Variants in GPHN observed in about 807,000 individuals in gnomAD.
GPHN encodes gephyrin.
In GPHN, 17 loss-of-function variants were observed where a neutral mutation model predicts 95.5. The observed-to-expected ratio is 0.18, with a 90% CI of 0.12 to 0.27. GPHN has a LOEUF of 0.27. GPHN is among the 10% of genes least tolerant of loss of function. The probability of loss-of-function intolerance (pLI) is 1.00; values close to 1 mark genes in which losing one functional copy is unlikely to be tolerated. For synonymous variants in GPHN, 320 were observed against 322.5 expected (o/e 0.99, Z 0.08); for missense variants, 660 against 978.1 (o/e 0.67, Z 4.34).
chr14:67,011,627 A>C (rs983978208), intron 9 of GPHN, among the ~76,000 whole-genome samples: 2 of 151,104 alleles, frequency 1.3e-5, no homozygotes, highest in African/African-American at 4.9e-5. Context: ...TTCTTTCCAC[A>C]TATGGGGCAT....
chr14:67,523,841 T>C, the GPHN span, among the ~76,000 whole-genome samples: 2 of 152,018 alleles, frequency 1.3e-5, no homozygotes, highest in African/African-American at 4.8e-5. Context: ...TGGAGGAATT[T>C]TTTTTTTCTT....
chr14:66,849,948 C>T (rs2062507823), intron 4 of GPHN, among the ~76,000 whole-genome samples: 1 of 152,026 alleles, frequency 6.6e-6, no homozygotes, highest in East Asian at 1.9e-4. Context: ...ACAGATCAAG[C>T]CAAAAATTAT....
the GPHN span, among the ~76,000 whole-genome samples, chr14:67,560,767 G>A: frequency 1.8e-5 from 2 of 111,666 alleles, no homozygotes; most frequent in Non-Finnish European, 3.5e-5. Flanking sequence ...TCTCGCTCTT[G>A]TTTCCCAGGC....
At chr14:67,366,934 T>C in the GPHN span, among the ~76,000 whole-genome samples, 5 of 152,124 alleles carry the variant, frequency 3.3e-5, no homozygotes, top group Non-Finnish European at 7.4e-5. Context: ...AGAAAATTTA[T>C]GGTCTTATTG....
At chr14:67,464,108 A>G in the GPHN span, among the ~76,000 whole-genome samples, 1 of 149,446 alleles carries the variant, frequency 6.7e-6, no homozygotes, top group African/African-American at 2.4e-5. Flanking sequence ...GACAGAGAGA[A>G]AGAGAGCAGC....
chr14:66,553,280 C>A (rs1350098562), intron 1 of GPHN, among the ~76,000 whole-genome samples: 1 of 152,124 alleles, frequency 6.6e-6, no homozygotes, highest in African/African-American at 2.4e-5. Context: ...CATGAGCTAC[C>A]GCACCTGGCC....
the GPHN span, among the ~76,000 whole-genome samples, chr14:67,195,264 G>A: frequency 6.6e-6 from 1 of 152,218 alleles, no homozygotes; most frequent in Admixed American, 6.5e-5. Context: ...GCGAGACCCA[G>A]TCGTGGCTGC....
intron 1 of GPHN, among the ~76,000 whole-genome samples, chr14:66,582,376 CATTTTATTTT>C (rs141449015): frequency 2.0e-4 from 31 of 151,400 alleles, no homozygotes; most frequent in Admixed American, 1.5e-3. Context: ...GCAACAAAAG[CATTTTATTTT>C]ATTTTATTTT....
At chr14:67,523,853 A>G in the GPHN span, among the ~76,000 whole-genome samples, 9 of 152,146 alleles carry the variant, frequency 5.9e-5, no homozygotes, top group Non-Finnish European at 1.2e-4. Flanking sequence ...TTTTTTCTTC[A>G]TATCCATGGG....
chr14:67,691,291 T>G, the GPHN span: 1 of 1,363,352 alleles, frequency 7.3e-7, no homozygotes, highest in Non-Finnish European at 1.0e-6. Flanking sequence ...GCCAAGGCTA[T>G]TACATCTTAG....
intron 3 of GPHN, among the ~76,000 whole-genome samples, chr14:66,778,283 C>T (rs1418753769): frequency 6.6e-6 from 1 of 152,208 alleles, no homozygotes. Flanking sequence ...TGAAGGACCT[C>T]TTCAAGGAGA....
the GPHN span, among the ~76,000 whole-genome samples, chr14:67,416,109 C>G: frequency 2.6e-5 from 4 of 152,308 alleles, no homozygotes; most frequent in Middle Eastern, 3.4e-3. Flanking sequence ...CTGCACATCC[C>G]GCACATGTAC....
At chr14:67,588,618 A>G in the GPHN span, 1 of 152,200 alleles carries the variant, frequency 6.6e-6, no homozygotes, top group Non-Finnish European at 1.5e-5. Context: ...CTCCCCTAAC[A>G]AAAACAAAAC....
intron 10 of GPHN, among the ~76,000 whole-genome samples, chr14:67,024,952 C>T (rs938753078): frequency 6.6e-6 from 1 of 152,060 alleles, no homozygotes; most frequent in Non-Finnish European, 1.5e-5. Context: ...ACAATTATTG[C>T]TTGCCCAAGA....
chr14:67,601,715 A>G, the GPHN span, among the ~76,000 whole-genome samples: 6 of 151,970 alleles, frequency 3.9e-5, no homozygotes, highest in Non-Finnish European at 8.8e-5. Context: ...CAGCCTGGCC[A>G]ACATGGTGAA....
chr14:66,695,681 G>C (rs373196783), intron 2 of GPHN, among the ~76,000 whole-genome samples: 185 of 152,222 alleles, frequency 1.2e-3, no homozygotes, highest in African/African-American at 4.1e-3. Flanking sequence ...GTGCCAAAAA[G>C]AAATGAGCTA....
At chr14:66,861,740 A>G (rs2063032080) in intron 4 of GPHN, among the ~76,000 whole-genome samples, 1 of 152,148 alleles carries the variant, frequency 6.6e-6, no homozygotes, top group South Asian at 2.1e-4. Context: ...ATGCTCCTGA[A>G]TGATCAATGG....
chr14:66,629,141 T>A (rs1050583502), intron 1 of GPHN, among the ~76,000 whole-genome samples: 8 of 125,494 alleles, frequency 6.4e-5, no homozygotes, highest in East Asian at 4.2e-4. Flanking sequence ...AAATATATAT[T>A]TATATACATA....
intron 8 of GPHN, among the ~76,000 whole-genome samples, chr14:66,941,230 TTCTCTC>T (rs983056832): frequency 6.7e-6 from 1 of 149,264 alleles, no homozygotes; most frequent in Non-Finnish European, 1.5e-5. Context: ...GAAACATAAT[TTCTCTC>T]TCTCCAGTCC....
Sources: allele counts gnomAD v4.1 joint callset (sites outside exome capture counted in the v4.1 genomes callset), GRCh38; gene constraint gnomAD v4.1.1; transcripts MANE v1.5; gene names NCBI Gene and HGNC (gene_info 2026-07-23, HGNC 2026-07-21).